SPTLC1: variants seen among roughly 807,000 people sequenced by gnomAD.
SPTLC1 encodes the protein serine palmitoyltransferase 1.
In SPTLC1, 55 loss-of-function variants were observed where a neutral mutation model predicts 68.9. That is an observed-to-expected ratio of 0.80 (90% CI 0.64 to 1.00). SPTLC1 has a LOEUF of 1.00. Among genes scored for constraint, SPTLC1 ranks in the 50% least tolerant of loss-of-function variants. SPTLC1 has a pLI of 0.00. For synonymous variants in SPTLC1, 197 were observed against 201.6 expected (o/e 0.98, Z 0.19); for missense variants, 449 against 573.1 (o/e 0.78, Z 2.21).
chr9:92,040,842 T>C (rs1308760636), intron 12 of SPTLC1, among the ~76,000 whole-genome samples: 1 of 152,162 alleles, frequency 6.6e-6, no homozygotes, highest in Non-Finnish European at 1.5e-5. Flanking sequence ...ATGGTCTCAT[T>C]TCACATGCTA....
chr9:92,101,210 TA>T (rs933443389), intron 3 of SPTLC1, among the ~76,000 whole-genome samples: 4 of 149,828 alleles, frequency 2.7e-5, no homozygotes, highest in Non-Finnish European at 4.5e-5. Flanking sequence ...AATCGAATAA[TA>T]AAAAAAAACA....
chr9:92,033,401 C>T (rs1833038750), intron 14 of SPTLC1, among the ~76,000 whole-genome samples: 2 of 152,192 alleles, frequency 1.3e-5, no homozygotes, highest in African/African-American at 2.4e-5. Flanking sequence ...CCTCTGTCCC[C>T]CAGAGTTCAT....
chr9:92,114,103 G>A (rs893271262), intron 1 of SPTLC1, among the ~76,000 whole-genome samples: 3 of 151,096 alleles, frequency 2.0e-5, no homozygotes, highest in Non-Finnish European at 4.4e-5. Context: ...GCAAGCCCCC[G>A]TCTCTATTAA....
At chr9:92,079,509 G>A in intron 5 of SPTLC1, 1 of 1,613,794 alleles carries the variant, frequency 6.2e-7, no homozygotes, top group South Asian at 1.1e-5. Flanking sequence ...CAAATATTTA[G>A]TTGGCCTGTT....
chr9:92,065,268 G>A (rs746533243), intron 6 of SPTLC1, among the ~76,000 whole-genome samples: 3 of 152,140 alleles, frequency 2.0e-5, no homozygotes, highest in Non-Finnish European at 2.9e-5. Context: ...CCCCACTATT[G>A]GCAAAGCATT....
Position 92,080,914 on chromosome 9 carries a change from C to G in SPTLC1, c.310G>C (p.Ala104Pro), listed in dbSNP as rs143232538. 1 of 1,614,136 alleles carries G rather than the reference C, an allele frequency of 6.2e-7. No homozygotes were observed. The highest frequency in any genetic ancestry group is 8.5e-7 in the Non-Finnish European group (1 of 1,180,008). Reference protein sequence around the residue: ...VVNGKECINFASFNFLGLLDN... With the variant: ...VVNGKECINFPSFNFLGLLDN... ...AACAATCCAAGAAAATTAAATGAGG[C>G]GAAGTTTATACATTCTTTTCCATTC... The change falls in exon 4 of 15, where the codon GCC (alanine) becomes CCC (proline). Residue 104 changes from alanine (A) to proline (P), a missense_variant. Ala to Pro is a conservative substitution (Grantham distance 27, BLOSUM62 -1). Around this residue, in one of 3 missense-constraint regions of SPTLC1, gnomAD observed 391 missense variants for 472.1 expected, o/e 0.83. Transcript: ENST00000262554.
At chr9:92,082,869 G>A (rs1478993718) in intron 3 of SPTLC1, among the ~76,000 whole-genome samples, 4 of 151,768 alleles carry the variant, frequency 2.6e-5, no homozygotes, top group Non-Finnish European at 5.9e-5. Flanking sequence ...GTGTAAAAGT[G>A]TTCCTATTTC....
chr9:92,069,253 C>T lies in SPTLC1; in HGVS notation c.428-1155G>A, dbSNP rs571629587. Among the ~76,000 whole-genome samples, 5 of 152,234 alleles carry T rather than the reference C, an allele frequency of 3.3e-5. No homozygotes were observed. The South Asian group carries it at 8.3e-4, about 25-fold the overall frequency. On this transcript the variant is annotated intron_variant, in intron 5 of 14. Transcript: ENST00000262554. ...GTATATTTACAGACTTCCTAAAGAA[C>T]GTTACAAAACTGTTAAAATGAACTA...
At position 92,042,122 on chromosome 9, in the gene SPTLC1, CA is replaced by C. The variant is rs375264498; in HGVS notation, c.1137-3758del. Among the ~76,000 whole-genome samples the C allele has an allele frequency of 1.1e-3, 167 of 152,148 alleles. 6 individuals carry two copies. In the South Asian group the frequency reaches 0.028, roughly 26 times the overall value. ...CTCTTAAAAAAACCACAAAACAAAA[CA>C]AAACTAGGAATAATTCAATAAAAGC... On this transcript the variant is annotated intron_variant, in intron 12 of 14. Transcript: ENST00000262554.
At chr9:92,067,505 G>A (rs1237868402) in intron 6 of SPTLC1, among the ~76,000 whole-genome samples, 2 of 152,326 alleles carry the variant, frequency 1.3e-5, no homozygotes, top group Middle Eastern at 3.4e-3. Context: ...GCACAGGCAC[G>A]CGAGTGTGAA....
chr9:92,036,638 C>T (rs988715478), intron 13 of SPTLC1, among the ~76,000 whole-genome samples: 4 of 152,164 alleles, frequency 2.6e-5, no homozygotes, highest in East Asian at 1.9e-4. Context: ...TCAGCTGTCC[C>T]GCTGGGGCAA....
At chr9:92,086,855 T>C (rs1201471428) in intron 3 of SPTLC1, among the ~76,000 whole-genome samples, 1 of 152,258 alleles carries the variant, frequency 6.6e-6, no homozygotes, top group African/African-American at 2.4e-5. Flanking sequence ...CTTGGTTCCA[T>C]TCTCCCCGTC....
chr9:92,115,320 A>C lies in SPTLC1; in HGVS notation c.51T>G (p.Leu17=), dbSNP rs1400591449. Residue 17 remains leucine (L), a synonymous_variant, in exon 1 of 15, where the codon CTT becomes CTG. Coordinates refer to ENST00000262554, the MANE Select transcript of SPTLC1 (RefSeq NM_006415.4). ...QWVLVEMVQA[L]YEAPAYHLIL... Reference sequence around the variant, plus strand: ...CTAATGGCGCGGAGCCCACCTCGTAAAGCGCCTGTACCATCTCCACCAGAA... The same window carrying C: ...CTAATGGCGCGGAGCCCACCTCGTACAGCGCCTGTACCATCTCCACCAGAA... The C allele has an allele frequency of 6.2e-7, 1 of 1,611,970 alleles. No homozygotes were observed. Among genetic ancestry groups the C allele is most frequent in the Non-Finnish European group, 8.5e-7 (1 of 1,179,958 alleles).
At chr9:92,065,084 G>C (rs1376958235) in intron 6 of SPTLC1, among the ~76,000 whole-genome samples, 1 of 152,216 alleles carries the variant, frequency 6.6e-6, no homozygotes, top group Non-Finnish European at 1.5e-5. Flanking sequence ...CTCACTGGAA[G>C]AGACTTAGTA....
chr9:92,097,453 A>T (rs188778208), intron 3 of SPTLC1, among the ~76,000 whole-genome samples: 14 of 152,398 alleles, frequency 9.2e-5, no homozygotes, highest in Non-Finnish European at 1.6e-4. Context: ...TGATTAATGT[A>T]TAAACAAAAT....
chr9:92,060,614 T>C (rs1403195807), intron 6 of SPTLC1, among the ~76,000 whole-genome samples: 3 of 151,940 alleles, frequency 2.0e-5, no homozygotes, highest in Non-Finnish European at 4.4e-5. Context: ...CAATAGAAAT[T>C]ATTCACTGAC....
At chr9:92,114,668 G>T (rs1160834995) in intron 1 of SPTLC1, among the ~76,000 whole-genome samples, 3 of 151,690 alleles carry the variant, frequency 2.0e-5, no homozygotes, top group Non-Finnish European at 2.9e-5. Flanking sequence ...CCGGGAGGCG[G>T]AGGTTGTAGT....
chr9:92,054,636 C>A (rs1158096003), intron 8 of SPTLC1, among the ~76,000 whole-genome samples: 1 of 152,164 alleles, frequency 6.6e-6, no homozygotes, highest in East Asian at 1.9e-4. Context: ...CTACGTATGG[C>A]CGACTCAGTG....
chr9:92,034,171 A>C (rs974909059), intron 14 of SPTLC1, among the ~76,000 whole-genome samples: 5 of 152,172 alleles, frequency 3.3e-5, no homozygotes, highest in African/African-American at 9.7e-5. Context: ...CCTGCTCTCA[A>C]AAGCCTGAGC....
Sources: gnomAD v4.1 joint callset for allele counts (sites outside exome capture counted in the v4.1 genomes callset) on GRCh38, gnomAD v4.1.1 for gene constraint, gnomAD v4.1.1 regional missense constraint, MANE v1.5 for transcripts, NCBI Gene and HGNC (gene_info 2026-07-23, HGNC 2026-07-21) for gene names.